Variants in MYLK3 observed in about 807,000 individuals in gnomAD.
MYLK3 encodes the protein myosin light chain kinase 3.
A neutral mutation model predicts 76.3 loss-of-function variants in MYLK3; 55 were observed. That is an observed-to-expected ratio of 0.72 (90% CI 0.58 to 0.90). MYLK3 has a LOEUF of 0.90. Among genes scored for constraint, MYLK3 ranks in the 40% least tolerant of loss-of-function variants. MYLK3 has a pLI of 0.00. For missense variants in MYLK3, 973 were observed against 1,053.6 expected (o/e 0.92, Z 1.06); for synonymous variants, 416 against 425.4 (o/e 0.98, Z 0.27).
chr16:46,748,382 C>T, upstream of MYLK3: 1 of 1,075,662 alleles, frequency 9.3e-7, no homozygotes, highest in Non-Finnish European at 1.3e-6. This position sits in a 1 kb window ranked among gnomAD's most constrained non-coding sequence, Gnocchi z 4.3. Flanking sequence ...TGTGCCTTTG[C>T]TTTGCTTATC....
In MYLK3 at chr16:46,707,457, G is replaced by T. The variant is rs1047598151; in HGVS notation, c.*247C>A. On this transcript the variant is annotated 3_prime_UTR_variant, in exon 13 of 13. Transcript: ENST00000394809. ...ATCCCTACACTTACCACCAAAAGTA[G>T]GTATATTTGAAAGGTACTCAGAGCA... 2.3e-6 allele frequency: 1 copy of T among 427,414 alleles called. No homozygotes were observed. Among genetic ancestry groups the T allele is most frequent in the East Asian group, 3.8e-5 (1 of 26,312 alleles). 26.5% of individuals were successfully genotyped at this position (427,414 alleles called of 1,614,324 possible).
upstream of MYLK3, among the ~76,000 whole-genome samples, chr16:46,749,078 C>A (rs947177546): frequency 2.0e-5 from 3 of 152,236 alleles, no homozygotes; most frequent in Admixed American, 1.3e-4. Flanking sequence ...CAGAGCACAA[C>A]AGGCCTGTGT....
Position 46,732,232 on chromosome 16 carries a change from C to T in MYLK3, c.1438G>A (p.Ala480Thr), listed in dbSNP as rs540347465. 11 of 1,591,598 alleles carry T rather than the reference C, an allele frequency of 6.9e-6. No homozygotes were observed. The highest frequency in any genetic ancestry group is 1.3e-5 in the African/African-American group (1 of 74,820). Residue 480 changes from alanine (A) to threonine (T), a missense_variant, in exon 4 of 13, where the codon GCC becomes ACC. Transcript: ENST00000394809. ...CCCAGAACCACGCTGCCAGCCTCGG[C>T]GCCTGGGGGCATCCTCCTTACTGCT... ...AEAVRRMPPGAEAGSVVLDDS... is the reference protein window; with the variant it reads ...AEAVRRMPPGTEAGSVVLDDS...
chr16:46,737,120 G>A (rs149057539), intron 3 of MYLK3, among the ~76,000 whole-genome samples: 1 of 152,330 alleles, frequency 6.6e-6, no homozygotes, highest in Non-Finnish European at 1.5e-5. Context: ...TGAGGAAGCA[G>A]GATGGTGCAG....
intron 1 of MYLK3, chr16:46,757,358 C>T (rs750554984): frequency 1.6e-4 from 161 of 984,624 alleles, no homozygotes; most frequent in Non-Finnish European, 1.9e-4. Flanking sequence ...CCCTTAGTCC[C>T]GTGCCCTACC....
At position 46,707,675 on chromosome 16, in the gene MYLK3, T is replaced by C; in HGVS notation, c.*29A>G. 1 of 1,551,338 alleles carries C rather than the reference T, an allele frequency of 6.4e-7. No individual in the cohort carries two copies. The highest frequency in any genetic ancestry group is 8.9e-7 in the Non-Finnish European group (1 of 1,126,144). On this transcript the variant is annotated 3_prime_UTR_variant, in exon 13 of 13. Coordinates refer to ENST00000394809, the MANE Select transcript of MYLK3 (RefSeq NM_182493.3). Reference sequence around the variant, plus strand: ...CTTCACCACTGGCCTCAGTAATTTCTGGACCCATTGGAGCAGCAGAGTTGA... The same window carrying C: ...CTTCACCACTGGCCTCAGTAATTTCCGGACCCATTGGAGCAGCAGAGTTGA...
intron 2 of MYLK3, among the ~76,000 whole-genome samples, chr16:46,738,651 CCT>C (rs1966885744): frequency 6.6e-6 from 1 of 152,224 alleles, no homozygotes; most frequent in Admixed American, 6.5e-5. Flanking sequence ...TGTCTGGCAT[CCT>C]GTTTCTCTAA....
intron 12 of MYLK3, among the ~76,000 whole-genome samples, chr16:46,707,987 C>T (rs1466439462): frequency 6.6e-6 from 1 of 151,582 alleles, no homozygotes; most frequent in Non-Finnish European, 1.5e-5. Context: ...ATCCTGCCCT[C>T]TTTTTTTTCT....
chr16:46,730,855 T>C (rs1169782940), intron 4 of MYLK3, among the ~76,000 whole-genome samples, 157 bp from the exon 5 acceptor site: 1 of 152,150 alleles, frequency 6.6e-6, no homozygotes, highest in African/African-American at 2.4e-5. Context: ...AGTAGAGCCA[T>C]CCATTCGGCA....
chr16:46,708,012 G>T (rs761492111), intron 12 of MYLK3, among the ~76,000 whole-genome samples: 2 of 151,792 alleles, frequency 1.3e-5, no homozygotes, highest in Non-Finnish European at 2.9e-5. Context: ...TTGGGGAGGG[G>T]GTAGGGGGGT....
At chr16:46,711,196 A>G (rs1359700503) in intron 10 of MYLK3, among the ~76,000 whole-genome samples, 1 of 152,148 alleles carries the variant, frequency 6.6e-6, no homozygotes, top group East Asian at 1.9e-4. Flanking sequence ...GCCAAAGGAA[A>G]ATGGGCTTTA....
Position 46,721,198 on chromosome 16 carries a change from G to T in MYLK3, c.1915-5C>A. ...GACGCACAATATGTTCTCCGGCTGG[G>T]AAAGAAAGAAGTCTGCTTAGCCCAA... On this transcript the variant is annotated splice_region_variant and splice_polypyrimidine_tract_variant and intron_variant, in intron 8 of 12. Transcript: ENST00000394809. 6.2e-7 allele frequency: 1 copy of T among 1,614,082 alleles called. No individual in the cohort carries two copies. Among genetic ancestry groups the T allele is most frequent in the Non-Finnish European group, 8.5e-7 (1 of 1,179,924 alleles).
chr16:46,752,983 A>C (rs1967145884), upstream of MYLK3, among the ~76,000 whole-genome samples: 1 of 152,236 alleles, frequency 6.6e-6, no homozygotes, highest in Non-Finnish European at 1.5e-5. Flanking sequence ...CGGTAAAGGA[A>C]GAAAATAAAT....
chr16:46,711,389 G>A (rs1320052851), intron 10 of MYLK3, among the ~76,000 whole-genome samples: 1 of 152,190 alleles, frequency 6.6e-6, no homozygotes, highest in Non-Finnish European at 1.5e-5. Flanking sequence ...GCAGCCACGG[G>A]AAGTCCACAG....
At chr16:46,718,064 A>G (rs183346027) in intron 9 of MYLK3, among the ~76,000 whole-genome samples, 3 of 152,340 alleles carry the variant, frequency 2.0e-5, no homozygotes, top group Admixed American at 2.0e-4. Flanking sequence ...AGCTATTGCA[A>G]TGGTTTGTGG....
intron 12 of MYLK3, among the ~76,000 whole-genome samples, chr16:46,708,311 G>A (rs867573128): frequency 6.6e-6 from 1 of 152,162 alleles, no homozygotes; most frequent in Admixed American, 6.5e-5. Flanking sequence ...TGATAGAACA[G>A]TGTTTTTCAA....
At position 46,737,787 on chromosome 16, in the gene MYLK3, C is replaced by A; in HGVS notation, c.925G>T (p.Gly309Cys). The change falls in exon 3 of 13, where the codon GGC (glycine) becomes TGC (cysteine). Residue 309 changes from glycine (G) to cysteine (C), a missense_variant. This residue lies in a region of MYLK3 where 641 missense variants were observed against 637.0 expected (regional missense o/e 1.01). Transcript: ENST00000394809. ...EEGTRLTPGP[G>C]PQCPGPPGLP... Reference sequence around the variant, plus strand: ...CCTGGAGGCCCTGGGCACTGAGGGCCAGGCCCTGGAGTCAGCCTCGTGCCT... The same window carrying A: ...CCTGGAGGCCCTGGGCACTGAGGGCAAGGCCCTGGAGTCAGCCTCGTGCCT... 1 of 1,612,134 alleles carries A rather than the reference C, an allele frequency of 6.2e-7. No homozygotes were observed. Among genetic ancestry groups the A allele is most frequent in the Non-Finnish European group, 8.5e-7 (1 of 1,179,926 alleles).
In MYLK3 at chr16:46,706,892, GT is replaced by G. The variant is rs1966632332; in HGVS notation, c.*811del. On this transcript the variant is annotated 3_prime_UTR_variant, in exon 13 of 13. Transcript: ENST00000394809. ...TATGTGTAGAGTGACAACATTGAGAGTGCTACAGCCTGAGGCAGCAGAAGAG... is the reference window on the plus strand; with the variant it reads ...TATGTGTAGAGTGACAACATTGAGAGGCTACAGCCTGAGGCAGCAGAAGAG... The G allele has an allele frequency of 2.0e-5, 3 of 152,274 alleles. No homozygotes were observed. Among genetic ancestry groups the G allele is most frequent in the Admixed American group, 1.3e-4 (2 of 15,294 alleles). The allele number at this position is 152,274 out of a possible 1,614,324, so 9.4% of individuals were successfully genotyped here.
Position 46,732,301 on chromosome 16 carries a change from C to T in MYLK3, c.1369G>A (p.Glu457Lys). 3.1e-6 allele frequency: 5 copies of T among 1,610,682 alleles called. No homozygotes were observed. The highest frequency in any genetic ancestry group is 4.2e-6 in the Non-Finnish European group (5 of 1,180,024). Reference sequence around the variant, plus strand: ...CTGGCTGCACAGTCCTGCTCAGGCTCAGGGTTTCCCGCCCCTGGGCTTTTG... The same window carrying T: ...CTGGCTGCACAGTCCTGCTCAGGCTTAGGGTTTCCCGCCCCTGGGCTTTTG... ...QGKSPGAGNPEPEQDCAARAP... is the reference protein window; with the variant it reads ...QGKSPGAGNPKPEQDCAARAP... The change falls in exon 4 of 13, where the codon GAG becomes AAG. Residue 457 changes from glutamate (E) to lysine (K), a missense_variant. Coordinates refer to ENST00000394809, the MANE Select transcript of MYLK3 (RefSeq NM_182493.3).
Sources: gnomAD v4.1 joint callset for allele counts (sites outside exome capture counted in the v4.1 genomes callset) on GRCh38, gnomAD v4.1.1 for gene constraint, gnomAD v4.1.1 regional missense constraint, Gnocchi (gnomAD v3.1) non-coding constraint, MANE v1.5 for transcripts, NCBI Gene and HGNC (gene_info 2026-07-23, HGNC 2026-07-21) for gene names.